Variants in SGIP1 observed in about 807,000 individuals in gnomAD.
SGIP1 encodes the protein SH3-containing GRB2-like protein 3-interacting protein 1.
SGIP1 carries 38 observed loss-of-function variants against 107.5 expected under a neutral mutation model. The ratio of observed to expected loss-of-function variants is 0.35; its 90% CI spans 0.27 to 0.46. The LOEUF (loss-of-function observed/expected upper bound fraction) is 0.46, where lower values mean the gene tolerates loss of function less well. SGIP1 is among the 20% of genes least tolerant of loss of function. The pLI, the probability that SGIP1 is intolerant of heterozygous loss-of-function variation, is 1.00. For missense variants in SGIP1, 929 were observed against 1,019.5 expected, an observed-to-expected ratio of 0.91 and a Z score of 1.21; for synonymous variants, 365 against 366.1, an observed-to-expected ratio of 1.00 and a Z score of 0.03.
At chr1:66,731,737 T>A (rs899125484) in intron 20 of SGIP1, among the ~76,000 whole-genome samples, 3 of 152,180 alleles carry the variant, frequency 2.0e-5, no homozygotes, top group African/African-American at 7.2e-5. Flanking sequence ...GATTCTAGAT[T>A]GCAGTACCAG....
intron 20 of SGIP1, among the ~76,000 whole-genome samples, chr1:66,730,923 T>G (rs1373085668): frequency 6.6e-6 from 1 of 152,158 alleles, no homozygotes. Context: ...CTACTCTGCC[T>G]CCTGGACTAT....
chr1:66,716,782 TATG>T (rs1242536558), intron 18 of SGIP1, among the ~76,000 whole-genome samples: 1 of 152,150 alleles, frequency 6.6e-6, no homozygotes, highest in Non-Finnish European at 1.5e-5. Flanking sequence ...AAAAAGGAAT[TATG>T]ATTTTAATGA....
intron 18 of SGIP1, among the ~76,000 whole-genome samples, chr1:66,713,028 A>G (rs2093016844): frequency 6.6e-6 from 1 of 152,092 alleles, no homozygotes. Flanking sequence ...GGTTCCTAAG[A>G]TAACTCTCTC....
rs550450222 is a variant in SGIP1, at chr1:66,553,339, T to C, written c.10+18971T>C. On this transcript the variant is annotated intron_variant, in intron 1 of 24. Coordinates refer to ENST00000371037, the MANE Select transcript of SGIP1 (RefSeq NM_032291.4). ...AATTTATGCTCACTGCCTCTTGTTATAGATGGCATTTTTTTTTTCATTTTA... is the reference window on the plus strand; with the variant it reads ...AATTTATGCTCACTGCCTCTTGTTACAGATGGCATTTTTTTTTTCATTTTA... 6.6e-5 allele frequency among the ~76,000 whole-genome samples: 10 copies of C among 152,254 alleles called. No homozygotes were observed. In the South Asian group the frequency reaches 2.1e-3, roughly 32 times the overall value.
chr1:66,550,252 T>A (rs1180851924), intron 1 of SGIP1, among the ~76,000 whole-genome samples: 2 of 152,188 alleles, frequency 1.3e-5, no homozygotes, highest in Non-Finnish European at 2.9e-5. Flanking sequence ...TCAGTGCATA[T>A]GTGTTACATA....
chr1:66,573,969 A>G (rs2060724196), intron 1 of SGIP1, among the ~76,000 whole-genome samples: 1 of 152,168 alleles, frequency 6.6e-6, no homozygotes. Context: ...AGGCATGATA[A>G]TTGGATACAG....
intron 19 of SGIP1, among the ~76,000 whole-genome samples, chr1:66,723,196 C>A (rs1210762906): frequency 6.6e-6 from 1 of 152,086 alleles, no homozygotes; most frequent in African/African-American, 2.4e-5. Context: ...GCCAAGGTAC[C>A]AAACAGAGAA....
chr1:66,742,125 A>G (rs542808778), intron 24 of SGIP1, among the ~76,000 whole-genome samples: 5 of 152,268 alleles, frequency 3.3e-5, no homozygotes, highest in Admixed American at 3.3e-4. Context: ...GACTTCACAG[A>G]GTTTAGACTT....
At chr1:66,586,339 A>G (rs182131771) in intron 1 of SGIP1, among the ~76,000 whole-genome samples, 8 of 152,222 alleles carry the variant, frequency 5.3e-5, no homozygotes, top group Non-Finnish European at 1.0e-4. Flanking sequence ...ACTTACACTT[A>G]ATATAACTGA....
At chr1:66,677,140 T>C (rs756345210) in intron 13 of SGIP1, 44 bp downstream of exon 13, 2 of 1,488,898 alleles carry the variant, frequency 1.3e-6, no homozygotes, top group Non-Finnish European at 1.9e-6. Flanking sequence ...AGTGACTCAT[T>C]TTAGTGTCTG....
At chr1:66,644,517 T>G (rs2077326212) in intron 7 of SGIP1, among the ~76,000 whole-genome samples, 1 of 152,040 alleles carries the variant, frequency 6.6e-6, no homozygotes, top group South Asian at 2.1e-4. Context: ...AGATGAAGGC[T>G]CTCAAACTGG....
intron 1 of SGIP1, among the ~76,000 whole-genome samples, chr1:66,623,598 A>G (rs971297950): frequency 1.3e-5 from 2 of 152,134 alleles, no homozygotes; most frequent in Admixed American, 6.6e-5. Context: ...TTTTTTTTCT[A>G]GAATTTCACA....
At chr1:66,624,960 G>A (rs1293229099) in intron 1 of SGIP1, among the ~76,000 whole-genome samples, 1 of 152,132 alleles carries the variant, frequency 6.6e-6, no homozygotes, top group Non-Finnish European at 1.5e-5. Flanking sequence ...AGCCAGTGCT[G>A]CTTGAATGGT....
intron 1 of SGIP1, among the ~76,000 whole-genome samples, chr1:66,611,759 A>G (rs955483023): frequency 1.3e-5 from 2 of 152,088 alleles, no homozygotes; most frequent in African/African-American, 4.8e-5. Context: ...AGAATCAAAG[A>G]TACTTCTTAG....
intron 7 of SGIP1, among the ~76,000 whole-genome samples, chr1:66,647,963 G>T (rs2149537989): frequency 6.6e-6 from 1 of 152,310 alleles, no homozygotes; most frequent in South Asian, 2.1e-4. Flanking sequence ...CAGTGTGCAA[G>T]ATGTTTTTTA....
At chr1:66,700,961 T>C (rs377562779) in intron 18 of SGIP1, among the ~76,000 whole-genome samples, 2 of 152,172 alleles carry the variant, frequency 1.3e-5, no homozygotes, top group African/African-American at 4.8e-5. Context: ...ATCATTTACA[T>C]AATAGGAGCT....
intron 1 of SGIP1, among the ~76,000 whole-genome samples, chr1:66,568,267 T>G (rs2148555699): frequency 6.6e-6 from 1 of 152,238 alleles, no homozygotes; most frequent in East Asian, 1.9e-4. Flanking sequence ...TTTTGCCCAT[T>G]GTGAATGGGA....
At chr1:66,562,862 C>G (rs1223415839) in intron 1 of SGIP1, among the ~76,000 whole-genome samples, 1 of 152,000 alleles carries the variant, frequency 6.6e-6, no homozygotes, top group East Asian at 1.9e-4. Context: ...GGCAATTTGG[C>G]AGGTGAAAGG....
At chr1:66,557,728 G>C (rs1468459208) in intron 1 of SGIP1, among the ~76,000 whole-genome samples, 1 of 152,116 alleles carries the variant, frequency 6.6e-6, no homozygotes, top group Admixed American at 6.6e-5. Context: ...GCAAAATAAT[G>C]TCCCAACCAG....
Sources: allele counts gnomAD v4.1 joint callset (sites outside exome capture counted in the v4.1 genomes callset), GRCh38; gene constraint gnomAD v4.1.1; transcripts MANE v1.5; gene names NCBI Gene and HGNC (gene_info 2026-07-23, HGNC 2026-07-21).